ADAMTS12: variants seen among roughly 807,000 people sequenced by gnomAD.
ADAMTS12 encodes the protein ADAM metallopeptidase with thrombospondin type 1 motif 12, also known as A disintegrin and metalloproteinase with thrombospondin motifs 12.
In ADAMTS12, 118 loss-of-function variants were observed where a neutral mutation model predicts 167.8. The ratio of observed to expected loss-of-function variants is 0.70; its 90% CI spans 0.61 to 0.82. The LOEUF (loss-of-function observed/expected upper bound fraction) is 0.82. Ranked by LOEUF, ADAMTS12 falls within the 40% of genes least tolerant of loss-of-function variation. ADAMTS12 has a pLI of 0.00. For missense variants in ADAMTS12, 1,916 were observed against 1,998.8 expected (o/e 0.96, Z 0.79); for synonymous variants, 704 against 716.9 (o/e 0.98, Z 0.29).
rs78724191 is a variant in ADAMTS12, at chr5:33,667,484, A to G, written c.916-5444T>C. The stretch of plus-strand genomic sequence containing the variant: ...TATTTGCATTTTCCATAGGTCCTCC[A>G]TTATTTTATATGCACCTCAAAGACT... On this transcript the variant is annotated intron_variant, in intron 5 of 23. Coordinates refer to ENST00000504830, the MANE Select transcript of ADAMTS12 (RefSeq NM_030955.4). 1.0e-3 allele frequency among the ~76,000 whole-genome samples: 152 copies of G among 152,250 alleles called. 1 individual carries two copies. Among genetic ancestry groups the G allele is most frequent in the African/African-American group, 3.5e-3 (145 of 41,560 alleles).
chr5:33,858,671 G>GA (rs1170278339), intron 2 of ADAMTS12, among the ~76,000 whole-genome samples: 1,039 of 85,022 alleles, frequency 0.012, 23 homozygotes, highest in African/African-American at 0.044. Context: ...AAAAAAAAAA[G>GA]AAAAGAAAAA....
intron 2 of ADAMTS12, among the ~76,000 whole-genome samples, chr5:33,842,398 AT>A (rs763685360): frequency 2.6e-5 from 4 of 152,280 alleles, no homozygotes; most frequent in Non-Finnish European, 5.9e-5. Context: ...GTAAAATAGA[AT>A]TTGCTTTGGG....
chr5:33,642,122 T>G (rs1233778501), intron 10 of ADAMTS12, among the ~76,000 whole-genome samples, 167 bp from the exon 11 acceptor site: 1 of 151,890 alleles, frequency 6.6e-6, no homozygotes, highest in Non-Finnish European at 1.5e-5. Context: ...CTGCCAAGAG[T>G]CGTGGGTTTT....
intron 3 of ADAMTS12, among the ~76,000 whole-genome samples, chr5:33,684,937 C>A (rs12652847): frequency 0.052 from 7,928 of 152,294 alleles, 434 homozygotes; most frequent in East Asian, 0.17. Flanking sequence ...GGCTACTTCG[C>A]ACATCAGGAA....
At chr5:33,545,018 A>G (rs539854642) in intron 22 of ADAMTS12, among the ~76,000 whole-genome samples, 9 of 152,364 alleles carry the variant, frequency 5.9e-5, no homozygotes. Context: ...ATGGGATCTA[A>G]TTAAACTAAG....
chr5:33,560,893 C>T (rs1745714520), intron 20 of ADAMTS12, 134 bp downstream of exon 20: 2 of 1,185,240 alleles, frequency 1.7e-6, no homozygotes, highest in Non-Finnish European at 2.3e-6. Flanking sequence ...ACGTTGTGCA[C>T]ATGTACCCTA....
intron 3 of ADAMTS12, among the ~76,000 whole-genome samples, chr5:33,742,494 G>A (rs547656753): frequency 1.3e-5 from 2 of 152,286 alleles, no homozygotes; most frequent in African/African-American, 4.8e-5. Flanking sequence ...GAACACATTT[G>A]CCTTGCCTCA....
At chr5:33,686,749 A>G (rs1742339372) in intron 3 of ADAMTS12, among the ~76,000 whole-genome samples, 1 of 151,212 alleles carries the variant, frequency 6.6e-6, no homozygotes, top group African/African-American at 2.4e-5. Flanking sequence ...GCAGGAAGAT[A>G]TATACACCTC....
At chr5:33,710,465 G>T (rs578153183) in intron 3 of ADAMTS12, among the ~76,000 whole-genome samples, 1 of 152,220 alleles carries the variant, frequency 6.6e-6, no homozygotes, top group South Asian at 2.1e-4. Context: ...ATCTCAAATT[G>T]TCAAGTCTTC....
chr5:33,846,177 C>T (rs890145527), intron 2 of ADAMTS12, among the ~76,000 whole-genome samples: 2 of 152,150 alleles, frequency 1.3e-5, no homozygotes, highest in Non-Finnish European at 2.9e-5. Context: ...CTATAATCTT[C>T]GAAAGTGTCA....
At chr5:33,739,186 A>C (rs1444733322) in intron 3 of ADAMTS12, among the ~76,000 whole-genome samples, 1 of 152,162 alleles carries the variant, frequency 6.6e-6, no homozygotes, top group African/African-American at 2.4e-5. Flanking sequence ...TACATCCTGG[A>C]GCTGACAGTG....
At chr5:33,767,666 T>C (rs1189632052) in intron 2 of ADAMTS12, among the ~76,000 whole-genome samples, 1 of 152,176 alleles carries the variant, frequency 6.6e-6, no homozygotes, top group Non-Finnish European at 1.5e-5. Context: ...TTTTAAGAAA[T>C]ACATTCTGTT....
chr5:33,841,699 A>G lies in ADAMTS12; in HGVS notation c.489+39420T>C, dbSNP rs114556199. ...TTAATTTCCTACTATTCAGTCTTGC[A>G]TGTAAGTGCATTATGGTTTCTGCTC... On this transcript the variant is annotated intron_variant, in intron 2 of 23. Coordinates refer to ENST00000504830, the MANE Select transcript of ADAMTS12 (RefSeq NM_030955.4). Among the ~76,000 whole-genome samples the G allele has an allele frequency of 1.4e-3, 212 of 152,302 alleles. 1 individual carries two copies. Among genetic ancestry groups the G allele is most frequent in the African/African-American group, 4.9e-3 (203 of 41,568 alleles).
intron 2 of ADAMTS12, among the ~76,000 whole-genome samples, chr5:33,835,527 G>T (rs1748472515): frequency 6.6e-6 from 1 of 152,222 alleles, no homozygotes. Flanking sequence ...TATAGATTCA[G>T]TATCTGGCGA....
At chr5:33,623,728 C>A (rs530122865) in intron 14 of ADAMTS12, among the ~76,000 whole-genome samples, 2 of 152,188 alleles carry the variant, frequency 1.3e-5, no homozygotes, top group Non-Finnish European at 2.9e-5. Flanking sequence ...TGCAACCCTG[C>A]CTTGCTTCTC....
chr5:33,889,316 G>C (rs1335657028), intron 1 of ADAMTS12, among the ~76,000 whole-genome samples: 1 of 152,070 alleles, frequency 6.6e-6, no homozygotes, highest in East Asian at 1.9e-4. Context: ...TCAAAAATAA[G>C]AATGGGTGAG....
At chr5:33,572,337 C>A (rs1233318939) in intron 19 of ADAMTS12, among the ~76,000 whole-genome samples, 1 of 151,922 alleles carries the variant, frequency 6.6e-6, no homozygotes, top group African/African-American at 2.4e-5. Flanking sequence ...AACATTGATG[C>A]AAAAATCCTC....
chr5:33,653,979 C>T (rs1450987274), intron 7 of ADAMTS12, among the ~76,000 whole-genome samples: 1 of 152,118 alleles, frequency 6.6e-6, no homozygotes, highest in Non-Finnish European at 1.5e-5. Flanking sequence ...GTCTCTGAAG[C>T]TCTGTTCAAT....
intron 2 of ADAMTS12, among the ~76,000 whole-genome samples, chr5:33,862,553 A>G (rs1351935847): frequency 1.3e-5 from 2 of 152,242 alleles, no homozygotes; most frequent in Non-Finnish European, 2.9e-5. Context: ...AGTAGTTAAT[A>G]GCCTACCAAT....
Sources: gnomAD v4.1 joint callset for allele counts (sites outside exome capture counted in the v4.1 genomes callset) on GRCh38, gnomAD v4.1.1 for gene constraint, MANE v1.5 for transcripts, NCBI Gene and HGNC (gene_info 2026-07-23, HGNC 2026-07-21) for gene names.